Variants in ERCC3 observed in about 807,000 individuals in gnomAD.
The protein encoded by ERCC3 is ERCC excision repair 3, TFIIH core complex helicase subunit.
A neutral mutation model predicts 94.2 loss-of-function variants in ERCC3; 66 were observed. The ratio of observed to expected loss-of-function variants is 0.70; its 90% CI spans 0.57 to 0.86. The LOEUF is 0.86. ERCC3 is among the 40% of genes least tolerant of loss of function. The probability of loss-of-function intolerance (pLI) is 0.00; values close to 1 mark genes in which losing one functional copy is unlikely to be tolerated. For synonymous variants in ERCC3, 349 were observed against 369.1 expected (o/e 0.95, Z 0.63); for missense variants, 829 against 987.1 (o/e 0.84, Z 2.15).
intron 12 of ERCC3, chr2:127,262,691 G>C (rs1466963565): frequency 1.3e-5 from 2 of 152,198 alleles, no homozygotes; most frequent in Admixed American, 1.3e-4. Flanking sequence ...TTTCTTTTGG[G>C]AGCTGATGAG....
In ERCC3 at chr2:127,261,325, T is replaced by C. The variant is rs1573928112; in HGVS notation, c.1967A>G (p.Asn656Ser). The change falls in exon 13 of 15, where the codon AAT (asparagine) becomes AGT (serine). Residue 656 changes from asparagine to serine, a missense_variant. Physicochemically the swap from Asn to Ser is conservative, Grantham distance 46. Transcript: ENST00000285398. ...GGATACCAGTGAGTAGAAAAAGGCA[T>C]TGTACTCTTCTGCAACCATCCCTGC... ...AKKGMVAEEYNAFFYSLVSQD... is the reference protein window; with the variant it reads ...AKKGMVAEEYSAFFYSLVSQD... 1 of 1,609,880 alleles carries C rather than the reference T, an allele frequency of 6.2e-7. No individual in the cohort carries two copies. The highest frequency in any genetic ancestry group is 8.5e-7 in the Non-Finnish European group (1 of 1,176,108).
Position 127,264,285 on chromosome 2 carries a change from G to A in ERCC3, c.1946-2939C>T, listed in dbSNP as rs1305996081. Among the ~76,000 whole-genome samples, 1 of 152,140 alleles carries A rather than the reference G, an allele frequency of 6.6e-6. No homozygotes were observed. Among genetic ancestry groups the A allele is most frequent in the Admixed American group, 6.5e-5 (1 of 15,278 alleles). On this transcript the variant is annotated intron_variant, in intron 12 of 14. Transcript: ENST00000285398. This position sits in a 1 kb window ranked among gnomAD's most constrained non-coding sequence, Gnocchi z 4.4. ...TCAAGACCAGCACTGCCAACATGGC[G>A]AAACCCTGTCTCTACTAAAAATACA... is the stretch of plus-strand genomic sequence containing the variant.
chr2:127,289,186 T>C lies in ERCC3; in HGVS notation c.822+151A>G, dbSNP rs1184027038. 5.2e-5 allele frequency: 39 copies of C among 743,038 alleles called. No homozygotes were observed. The East Asian group carries it at 9.0e-4, about 17-fold the overall frequency. The allele number at this position is 743,038 out of a possible 1,614,324, so 46.0% of individuals were successfully genotyped here. Reference sequence around the variant, plus strand: ...AACTCCATCAGGAGAAATGATGCCATGGCTCACAGATAATAAAAAGGAGAA... The same window carrying C: ...AACTCCATCAGGAGAAATGATGCCACGGCTCACAGATAATAAAAAGGAGAA... On this transcript the variant is annotated intron_variant, in intron 6 of 14. Transcript: ENST00000285398.
chr2:127,260,366 A>C (rs1418574610), intron 13 of ERCC3: 1 of 152,312 alleles, frequency 6.6e-6, no homozygotes, highest in African/African-American at 2.4e-5. Context: ...ATCAGGAGGT[A>C]GGAATGCTAT....
chr2:127,272,007 CTTTTTTTTTT>C (rs59921131), intron 11 of ERCC3, among the ~76,000 whole-genome samples: 2 of 63,032 alleles, frequency 3.2e-5, no homozygotes, highest in Non-Finnish European at 5.6e-5. Context: ...AATCTCATTT[CTTTTTTTTTT>C]TTTTTTTTTT....
At chr2:127,260,140 A>G (rs781566976) in intron 13 of ERCC3, 19 of 156,852 alleles carry the variant, frequency 1.2e-4, no homozygotes, top group Non-Finnish European at 2.1e-4. Flanking sequence ...CCAGGGATCC[A>G]GAGTACAGAC....
At position 127,258,381 on chromosome 2, in the gene ERCC3, A is replaced by T. The variant is rs1014511932; in HGVS notation, c.2218-654T>A. ...CTGAGTAACCCTGAGGCAAGTAATT[A>T]ATGTCTGCACCTCAATGACCTCATC... On this transcript the variant is annotated intron_variant, in intron 14 of 14. Transcript: ENST00000285398. The surrounding 1 kb of genome is among the most constrained non-coding windows in gnomAD (Gnocchi z 4.1). Among the ~76,000 whole-genome samples, 1 of 152,194 alleles carries T rather than the reference A, an allele frequency of 6.6e-6. No homozygotes were observed. Among genetic ancestry groups the T allele is most frequent in the African/African-American group, 2.4e-5 (1 of 41,438 alleles).
chr2:127,272,860 C>G lies in ERCC3; in HGVS notation c.1827+5G>C. On this transcript the variant is annotated splice_donor_5th_base_variant and intron_variant, in intron 11 of 14. Coordinates refer to ENST00000285398, the MANE Select transcript of ERCC3 (RefSeq NM_000122.2). The stretch of plus-strand genomic sequence containing the variant: ...CCTCACCTCCACCCCATATGCCACA[C>G]AAACCTTGGATATGAAGATGGTGTT... The G allele has an allele frequency of 6.2e-7, 1 of 1,605,756 alleles. No homozygotes were observed. Among genetic ancestry groups the G allele is most frequent in the Non-Finnish European group, 8.5e-7 (1 of 1,172,396 alleles).
chr2:127,258,562 A>C lies in ERCC3; in HGVS notation c.2217+734T>G, dbSNP rs1684093432. On this transcript the variant is annotated intron_variant, in intron 14 of 14. Transcript: ENST00000285398. The surrounding 1 kb of genome is among the most constrained non-coding windows in gnomAD (Gnocchi z 4.1). Reference sequence around the variant, plus strand: ...TCGGGGGAGGAAAGCCTTAGGCTGGAGGGAGGGCAGCCCCTTCCCAGGGAC... The same window carrying C: ...TCGGGGGAGGAAAGCCTTAGGCTGGCGGGAGGGCAGCCCCTTCCCAGGGAC... Among the ~76,000 whole-genome samples the C allele has an allele frequency of 1.3e-5, 2 of 152,058 alleles. No individual in the cohort carries two copies. Among genetic ancestry groups the C allele is most frequent in the South Asian group, 4.1e-4 (2 of 4,822 alleles).
At position 127,284,695 on chromosome 2, in the gene ERCC3, T is replaced by TC. The variant is rs1331712459; in HGVS notation, c.1342+2007_1342+2008insG. Among the ~76,000 whole-genome samples the TC allele has an allele frequency of 6.6e-6, 1 of 151,990 alleles. No homozygotes were observed. Among genetic ancestry groups the TC allele is most frequent in the African/African-American group, 2.4e-5 (1 of 41,330 alleles). ...CTAATCTGTTCATCTTTATTTTTTTTTTTTGAGACAGAGTCTCACACTCTG... is the reference window on the plus strand; with the variant it reads ...CTAATCTGTTCATCTTTATTTTTTTTCTTTTGAGACAGAGTCTCACACTCTG... On this transcript the variant is annotated intron_variant, in intron 8 of 14. Transcript: ENST00000285398. The surrounding 1 kb of genome is among the most constrained non-coding windows in gnomAD (Gnocchi z 4.1).
In ERCC3 at chr2:127,280,802, C is replaced by G. The variant is rs1459312714; in HGVS notation, c.1343-171G>C. 1 of 652,614 alleles carries G rather than the reference C, an allele frequency of 1.5e-6. No individual in the cohort carries two copies. Among genetic ancestry groups the G allele is most frequent in the Non-Finnish European group, 2.7e-6 (1 of 372,866 alleles). The allele number at this position is 652,614 out of a possible 1,614,324, so 40.4% of individuals were successfully genotyped here. ...TTCGCCTCCCAAAGTGCTGGGATTA[C>G]AGACGTGACCCACTGCACCCAGCCT... On this transcript the variant is annotated intron_variant, in intron 8 of 14. Transcript: ENST00000285398. This position sits in a 1 kb window ranked among gnomAD's most constrained non-coding sequence, Gnocchi z 6.3.
chr2:127,283,116 AC>A (rs1684966535), intron 8 of ERCC3, among the ~76,000 whole-genome samples: 1 of 117,940 alleles, frequency 8.5e-6, no homozygotes. Context: ...TTAAATTCTC[AC>A]AGTAAAACTG....
rs1353903104 is a variant in ERCC3, at chr2:127,261,299, G to A, written c.1993C>T (p.Gln665Ter). The stretch of plus-strand genomic sequence containing the variant: ...GAGTAAGCCATTTCCTGTGTGTCCT[G>A]GGATACCAGTGAGTAGAAAAAGGCA... ...YNAFFYSLVS[Q>*]DTQEMAYSTK... is the part of the protein sequence containing the mutation. The change falls in exon 13 of 15, where the codon CAG becomes TAG. Residue 665 changes from glutamine (Q) to a stop codon, truncating the protein, a stop_gained. Coordinates refer to ENST00000285398, the MANE Select transcript of ERCC3 (RefSeq NM_000122.2). LOFTEE classifies it high-confidence loss of function. 6.2e-7 allele frequency: 1 copy of A among 1,613,442 alleles called. No homozygotes were observed. The highest frequency in any genetic ancestry group is 8.5e-7 in the Non-Finnish European group (1 of 1,179,364).
In ERCC3 at chr2:127,280,063, A is replaced by G. The variant is rs879294737; in HGVS notation, c.1527+384T>C. 3.9e-5 allele frequency among the ~76,000 whole-genome samples: 6 copies of G among 152,248 alleles called. No individual in the cohort carries two copies. The East Asian group carries it at 5.8e-4, about 15-fold the overall frequency. ...CACACTTCCCAGCAGGGCTGGGAGC[A>G]TATCAGTTAGGCGCTTGGGGCTATC... is the stretch of plus-strand genomic sequence containing the variant. On this transcript the variant is annotated intron_variant, in intron 9 of 14. Coordinates refer to ENST00000285398, the MANE Select transcript of ERCC3 (RefSeq NM_000122.2). This position sits in a 1 kb window ranked among gnomAD's most constrained non-coding sequence, Gnocchi z 6.3.
At chr2:127,290,432 G>T in intron 3 of ERCC3, 159 bp from the exon 4 acceptor site, 1 of 701,026 alleles carries the variant, frequency 1.4e-6, no homozygotes. Context: ...CCTAAACTGA[G>T]CTTTTTCCAT....
At chr2:127,292,569 T>C (rs757729810) in intron 3 of ERCC3, 41 bp downstream of exon 3, 85 of 1,272,256 alleles carry the variant, frequency 6.7e-5, no homozygotes, top group African/African-American at 1.5e-4. Context: ...ATTGTTACAT[T>C]AGCAGGGCAG....
chr2:127,276,182 T>G (rs1233780232), intron 10 of ERCC3, among the ~76,000 whole-genome samples: 1 of 151,972 alleles, frequency 6.6e-6, no homozygotes, highest in African/African-American at 2.4e-5. Context: ...ACTGAAAAAT[T>G]CCTCACTGAA....
chr2:127,292,271 C>G lies in ERCC3; in HGVS notation c.471+339G>C, dbSNP rs1179732645. 7.1e-6 allele frequency: 3 copies of G among 423,752 alleles called. No homozygotes were observed. The East Asian group carries it at 1.5e-4, about 22-fold the overall frequency. 26.2% of individuals were successfully genotyped at this position (423,752 alleles called of 1,614,324 possible). On this transcript the variant is annotated intron_variant, in intron 3 of 14. Coordinates refer to ENST00000285398, the MANE Select transcript of ERCC3 (RefSeq NM_000122.2). ...CACAATTCAGTCCCCAGCACACTCA[C>G]TTTGGGCTGCATTTCCAAATTCTCC...
chr2:127,288,929 T>G, intron 6 of ERCC3, 65 bp from the exon 7 acceptor site: 3 of 1,272,300 alleles, frequency 2.4e-6, no homozygotes, highest in Non-Finnish European at 3.4e-6. Flanking sequence ...TTACATCTTC[T>G]AAGAGGTCCA....
Sources: allele counts gnomAD v4.1 joint callset (sites outside exome capture counted in the v4.1 genomes callset), GRCh38; gene constraint gnomAD v4.1.1; non-coding constraint Gnocchi (gnomAD v3.1); transcripts MANE v1.5; gene names NCBI Gene and HGNC (gene_info 2026-07-23, HGNC 2026-07-21).